The following CDH23 variants were observed in gnomAD, a reference collection of about 807,000 sequenced individuals.
The protein encoded by CDH23 is cadherin related 23.
A neutral mutation model predicts 317.1 loss-of-function variants in CDH23; 189 were observed. The observed-to-expected ratio is 0.60, with a 90% CI of 0.53 to 0.67. The LOEUF (loss-of-function observed/expected upper bound fraction) is 0.67. Among genes scored for constraint, CDH23 ranks in the 30% least tolerant of loss-of-function variants. The probability of loss-of-function intolerance (pLI) is 0.00; values close to 1 mark genes in which losing one functional copy is unlikely to be tolerated. For synonymous variants in CDH23, 1,839 were observed against 1,876.8 expected (o/e 0.98, Z 0.52); for missense variants, 4,401 against 4,592.4 (o/e 0.96, Z 1.20).
At chr10:71,802,860 C>T (rs758535650) in intron 53 of CDH23, 38 bp from the exon 54 acceptor site, 1 of 1,612,226 alleles carries the variant, frequency 6.2e-7, no homozygotes, top group South Asian at 1.1e-5. Flanking sequence ...CTGCCCCATC[C>T]TGCTCCTTAC....
At chr10:71,760,026 TAC>T (rs754921916) in intron 38 of CDH23, among the ~76,000 whole-genome samples, 3,084 of 66,612 alleles carry the variant, frequency 0.046, 809 homozygotes, top group African/African-American at 0.12. Context: ...CACACATATA[TAC>T]ACACACACAC....
rs566423896 is a variant in CDH23, at chr10:71,609,289, T to TCTCTCC, written c.833-6193_833-6188dup. The stretch of plus-strand genomic sequence containing the variant: ...GCTGCAGCCCCTCCCAGTCCACTTC[T>TCTCTCC]CTCTCCCTCTCCCTCTCCCTCTCCC... On this transcript the variant is annotated intron_variant, in intron 9 of 69. Coordinates refer to ENST00000224721, the MANE Select transcript of CDH23 (RefSeq NM_022124.6). Among the ~76,000 whole-genome samples, 37 of 146,580 alleles carry TCTCTCC rather than the reference T, an allele frequency of 2.5e-4. 1 individual carries two copies. Among genetic ancestry groups the TCTCTCC allele is most frequent in the South Asian group, 1.1e-3 (5 of 4,622 alleles).
intron 38 of CDH23, among the ~76,000 whole-genome samples, chr10:71,764,656 G>C (rs1372700284): frequency 6.6e-6 from 1 of 152,192 alleles, no homozygotes; most frequent in Non-Finnish European, 1.5e-5. Context: ...CAGTTCGCCA[G>C]AGTCCGTCCG....
chr10:71,739,388 A>G (rs1025391422), intron 35 of CDH23, among the ~76,000 whole-genome samples: 6 of 152,160 alleles, frequency 3.9e-5, no homozygotes, highest in African/African-American at 9.7e-5. Flanking sequence ...CATGGGACTC[A>G]AGCCCCACTC....
intron 11 of CDH23, among the ~76,000 whole-genome samples, chr10:71,620,271 G>C (rs932121798): frequency 6.6e-6 from 1 of 152,160 alleles, no homozygotes; most frequent in Non-Finnish European, 1.5e-5. Context: ...CGTGGGGAAG[G>C]TGCCGAGTAG....
intron 1 of CDH23, among the ~76,000 whole-genome samples, chr10:71,437,506 C>A (rs984577372): frequency 6.6e-6 from 1 of 152,148 alleles, no homozygotes; most frequent in Non-Finnish European, 1.5e-5. Context: ...TCTTGATGTG[C>A]GAAAAGCAAG....
At chr10:71,642,708 G>C (rs567799046) in intron 11 of CDH23, among the ~76,000 whole-genome samples, 16 of 152,298 alleles carry the variant, frequency 1.1e-4, no homozygotes, top group Admixed American at 4.6e-4. Flanking sequence ...CCTGGGCCCG[G>C]CCTCTTATCC....
In CDH23 at chr10:71,646,484, A is replaced by T; in HGVS notation, c.1316A>T (p.Asp439Val). 1.1e-5 allele frequency: 18 copies of T among 1,613,862 alleles called. No individual in the cohort carries two copies. The highest frequency in any genetic ancestry group is 1.5e-5 in the Non-Finnish European group (18 of 1,179,876). ...FDLFANESVP[D>V]HVGYAKVKIT... ...CTCTTTGCCAATGAGAGTGTGCCTG[A>T]CCATGTGGGCTATGCCAAGGTGAAG... The change falls in exon 14 of 70, where the codon GAC becomes GTC. Residue 439 changes from aspartate (D) to valine (V), a missense_variant. Physicochemically the swap from Asp to Val is radical, Grantham distance 152. Transcript: ENST00000224721.
At chr10:71,484,248 A>G (rs752270641) in intron 3 of CDH23, among the ~76,000 whole-genome samples, 7 of 152,296 alleles carry the variant, frequency 4.6e-5, no homozygotes, top group Non-Finnish European at 8.8e-5. Context: ...ATTTATCAAC[A>G]AGCAATTTGC....
intron 3 of CDH23, among the ~76,000 whole-genome samples, chr10:71,475,654 C>A (rs10999840): frequency 6.6e-6 from 1 of 152,286 alleles, no homozygotes; most frequent in Admixed American, 6.5e-5. Flanking sequence ...GAGGGGTCCC[C>A]GTCCCCTGCT....
At chr10:71,660,028 T>G (rs1485816790) in intron 14 of CDH23, among the ~76,000 whole-genome samples, 1 of 149,688 alleles carries the variant, frequency 6.7e-6, no homozygotes, top group Non-Finnish European at 1.5e-5. Context: ...TAGTGCGATC[T>G]TGGCTCACTG....
intron 1 of CDH23, among the ~76,000 whole-genome samples, chr10:71,425,918 T>C (rs10823745): frequency 0.31 from 46,443 of 151,880 alleles, 7,232 homozygotes; most frequent in Middle Eastern, 0.44. Context: ...GTTCTCAGCA[T>C]TGAGATTCCT....
intron 27 of CDH23, among the ~76,000 whole-genome samples, chr10:71,709,694 G>A (rs1448980072): frequency 6.6e-6 from 1 of 152,190 alleles, no homozygotes; most frequent in African/African-American, 2.4e-5. Context: ...CAGTATGACT[G>A]GATTCAGGGC....
intron 11 of CDH23, among the ~76,000 whole-genome samples, chr10:71,637,523 G>T (rs1189755822): frequency 6.6e-6 from 1 of 152,192 alleles, no homozygotes; most frequent in Non-Finnish European, 1.5e-5. Flanking sequence ...TGAGGCTCAA[G>T]GATATAAAAT....
chr10:71,808,153 C>G, intron 60 of CDH23, 146 bp downstream of exon 60: 1 of 956,554 alleles, frequency 1.0e-6, no homozygotes, highest in South Asian at 1.6e-5. Context: ...ATTCATCCAC[C>G]TATTCAGCAA....
chr10:71,727,788 A>C (rs1361291885), intron 30 of CDH23, among the ~76,000 whole-genome samples: 1 of 152,246 alleles, frequency 6.6e-6, no homozygotes, highest in East Asian at 1.9e-4. Flanking sequence ...CTGGACAGGC[A>C]CAGCACTGGA....
chr10:71,511,419 C>G (rs74668415), intron 6 of CDH23, among the ~76,000 whole-genome samples: 197 of 152,192 alleles, frequency 1.3e-3, no homozygotes, highest in Non-Finnish European at 8.7e-4. Context: ...GCAGTTGGGC[C>G]GGTAGGTTGG....
intron 18 of CDH23, 43 bp downstream of exon 18, chr10:71,682,615 G>T (rs759327662): frequency 6.2e-7 from 1 of 1,604,596 alleles, no homozygotes; most frequent in South Asian, 1.1e-5. Context: ...TAGTGTAAGG[G>T]ATGGTGAGTG....
intron 38 of CDH23, among the ~76,000 whole-genome samples, chr10:71,775,406 A>G (rs1589414736): frequency 2.3e-5 from 2 of 87,410 alleles, no homozygotes; most frequent in Non-Finnish European, 2.7e-5. Flanking sequence ...CCCCTTCCCC[A>G]GGGGGATAGA....
Sources: allele counts gnomAD v4.1 joint callset (sites outside exome capture counted in the v4.1 genomes callset), GRCh38; gene constraint gnomAD v4.1.1; transcripts MANE v1.5; gene names NCBI Gene and HGNC (gene_info 2026-07-23, HGNC 2026-07-21).